Variants in FHIT observed in about 807,000 individuals in gnomAD.
FHIT encodes the protein bis(5'-adenosyl)-triphosphatase.
Under a neutral mutation model 17.9 loss-of-function variants are expected in FHIT, and 19 were observed. The observed-to-expected ratio is 1.06, with a 90% CI of 0.74 to 1.56. The LOEUF is 1.56. Among genes scored for constraint, FHIT ranks in the 40% most tolerant of loss-of-function variants. The probability of loss-of-function intolerance (pLI) is 0.00; values close to 1 mark genes in which losing one functional copy is unlikely to be tolerated. For synonymous variants in FHIT, 81 were observed against 69.7 expected, an observed-to-expected ratio of 1.16 and a Z score of -0.81; for missense variants, 248 against 189.2, an observed-to-expected ratio of 1.31 and a Z score of -1.82.
intron 4 of FHIT, among the ~76,000 whole-genome samples, chr3:60,653,791 T>A (rs929237078): frequency 6.6e-6 from 1 of 152,248 alleles, no homozygotes; most frequent in African/African-American, 2.4e-5. Context: ...ACCCAAACTA[T>A]CAATTGTCTT....
chr3:60,448,339 CA>C (rs1164446159), intron 5 of FHIT, among the ~76,000 whole-genome samples: 2 of 152,044 alleles, frequency 1.3e-5, no homozygotes, highest in Non-Finnish European at 2.9e-5. Context: ...AAAAATCACA[CA>C]AAAAAACTTA....
chr3:60,582,922 C>T (rs1334325982), intron 4 of FHIT, among the ~76,000 whole-genome samples: 1 of 151,900 alleles, frequency 6.6e-6, no homozygotes, highest in East Asian at 1.9e-4. Flanking sequence ...TCCAATACCA[C>T]ATATCAAAAA....
At chr3:61,180,331 C>A (rs1298176108) in intron 2 of FHIT, among the ~76,000 whole-genome samples, 1 of 152,182 alleles carries the variant, frequency 6.6e-6, no homozygotes, top group Non-Finnish European at 1.5e-5. Context: ...AGCTCATTAA[C>A]AATTGCGTTT....
intron 1 of FHIT, among the ~76,000 whole-genome samples, chr3:61,207,074 A>G (rs2106725591): frequency 6.6e-6 from 1 of 152,320 alleles, no homozygotes; most frequent in South Asian, 2.1e-4. Context: ...CTATTGAGAT[A>G]ATCATGTGGT....
At chr3:59,977,917 T>C (rs1456445738) in intron 7 of FHIT, among the ~76,000 whole-genome samples, 3 of 152,156 alleles carry the variant, frequency 2.0e-5, no homozygotes, top group African/African-American at 7.2e-5. Flanking sequence ...TCTCATGCTT[T>C]GTTTTAGTAT....
intron 4 of FHIT, among the ~76,000 whole-genome samples, chr3:60,556,648 G>A (rs1202245374): frequency 6.6e-6 from 1 of 152,202 alleles, no homozygotes; most frequent in African/African-American, 2.4e-5. Flanking sequence ...AGTACAAGTG[G>A]TCACCCAACA....
chr3:60,390,411 A>C (rs1354665333), intron 5 of FHIT, among the ~76,000 whole-genome samples: 6 of 121,402 alleles, frequency 4.9e-5, no homozygotes, highest in Admixed American at 9.5e-5. Flanking sequence ...AAAAAAAAAA[A>C]AAAAAAAAAA....
At chr3:60,932,707 T>C (rs536300263) in intron 3 of FHIT, among the ~76,000 whole-genome samples, 1 of 152,320 alleles carries the variant, frequency 6.6e-6, no homozygotes, top group African/African-American at 2.4e-5. Context: ...CACCATCTTT[T>C]TTGGTTCCCT....
intron 2 of FHIT, among the ~76,000 whole-genome samples, chr3:61,046,408 T>G (rs1341083978): frequency 6.6e-6 from 1 of 152,198 alleles, no homozygotes; most frequent in African/African-American, 2.4e-5. Flanking sequence ...GATAAATTCC[T>G]AGACACATAC....
In FHIT at chr3:60,500,697, C is replaced by T. The variant is rs139286655; in HGVS notation, c.103+36163G>A. 2.1e-3 allele frequency among the ~76,000 whole-genome samples: 306 copies of T among 145,402 alleles called. 1 individual carries two copies. The highest frequency in any genetic ancestry group is 7.4e-3 in the African/African-American group (292 of 39,498). On this transcript the variant is annotated intron_variant, in intron 5 of 9. Coordinates refer to ENST00000492590, the MANE Select transcript of FHIT (RefSeq NM_002012.4). ...CTGAGGCAGGAGAATTGCTTGAACC[C>T]GGGAGGCAGAGGTTGCAGTGAGCCA...
chr3:60,112,852 C>A (rs1704737925), intron 5 of FHIT, among the ~76,000 whole-genome samples: 1 of 152,174 alleles, frequency 6.6e-6, no homozygotes, highest in Non-Finnish European at 1.5e-5. Flanking sequence ...AGAAAAAAAT[C>A]TCTTTCCTGG....
chr3:60,616,651 T>C (rs1553676026), intron 4 of FHIT, among the ~76,000 whole-genome samples: 1 of 152,182 alleles, frequency 6.6e-6, no homozygotes, highest in African/African-American at 2.4e-5. Context: ...AGGAAAACTA[T>C]AAAACTTTGC....
At chr3:61,231,843 A>C in intron 1 of FHIT, among the ~76,000 whole-genome samples, 1 of 152,226 alleles carries the variant, frequency 6.6e-6, no homozygotes, top group East Asian at 1.9e-4. Context: ...AAGGAACTAC[A>C]TGAGCCATAC....
chr3:60,542,870 G>A (rs947807645), intron 4 of FHIT, among the ~76,000 whole-genome samples: 1 of 151,690 alleles, frequency 6.6e-6, no homozygotes, highest in African/African-American at 2.4e-5. Context: ...TTCTTCTATC[G>A]ACTTTATATT....
intron 5 of FHIT, among the ~76,000 whole-genome samples, chr3:60,531,459 T>C (rs1419594182): frequency 6.6e-6 from 1 of 151,906 alleles, no homozygotes; most frequent in African/African-American, 2.4e-5. Flanking sequence ...TTTGTATTTT[T>C]AGTAGAGACG....
chr3:60,437,296 C>T (rs1333474199), intron 5 of FHIT, among the ~76,000 whole-genome samples: 1 of 152,026 alleles, frequency 6.6e-6, no homozygotes, highest in Admixed American at 6.6e-5. Context: ...AGAAGGAAGG[C>T]ATATTTACAA....
At chr3:60,763,365 G>C (rs563103467) in intron 4 of FHIT, among the ~76,000 whole-genome samples, 2 of 152,110 alleles carry the variant, frequency 1.3e-5, no homozygotes, top group East Asian at 3.8e-4. Context: ...GTTCAAAAAC[G>C]CATGAGGAAG....
intron 4 of FHIT, among the ~76,000 whole-genome samples, chr3:60,797,764 A>T: frequency 6.6e-6 from 1 of 151,302 alleles, no homozygotes; most frequent in Non-Finnish European, 1.5e-5. Flanking sequence ...ATATTTAATA[A>T]GATTTAATTA....
At chr3:60,525,552 C>T (rs1433203583) in intron 5 of FHIT, among the ~76,000 whole-genome samples, 2 of 152,160 alleles carry the variant, frequency 1.3e-5, no homozygotes, top group Non-Finnish European at 2.9e-5. Context: ...ACTTTTCCAG[C>T]CACCCTATGT....
Sources: allele counts gnomAD v4.1 joint callset (sites outside exome capture counted in the v4.1 genomes callset), GRCh38; gene constraint gnomAD v4.1.1; transcripts MANE v1.5; gene names NCBI Gene and HGNC (gene_info 2026-07-23, HGNC 2026-07-21).